The following C1orf94 variants were observed in gnomAD, a reference collection of about 807,000 sequenced individuals.
C1orf94 encodes uncharacterized protein C1orf94.
C1orf94 carries 45 observed loss-of-function variants against 53.6 expected under a neutral mutation model. The observed-to-expected ratio is 0.84, with a 90% confidence interval of 0.66 to 1.08. The LOEUF is 1.08. Among genes scored for constraint, C1orf94 ranks in the 50% least tolerant of loss-of-function variants. C1orf94 has a pLI of 0.00. For synonymous variants in C1orf94, 304 were observed against 296.1 expected (o/e 1.03, Z -0.27); for missense variants, 762 against 738.9 (o/e 1.03, Z -0.36).
chr1:34,177,564 T>C lies in C1orf94; in HGVS notation c.-226T>C. The C allele has an allele frequency of 2.0e-6, 1 of 510,388 alleles. No homozygotes were observed. Among genetic ancestry groups the C allele is most frequent in the Non-Finnish European group, 3.5e-6 (1 of 289,238 alleles). The allele number at this position is 510,388 out of a possible 1,614,324, so 31.6% of individuals were successfully genotyped here. A position where few individuals can be genotyped will look rare whatever the true frequency, so the allele number is the denominator to read the frequency against. ...TCCTAAGCTACTGGTTTTTGTTGAC[T>C]TTTAAATATTTTCTTCTAAGGGAGA... On this transcript the variant is annotated 5_prime_UTR_variant, in exon 1 of 7. Transcript: ENST00000488417.
At chr1:34,192,186 A>G (rs1165063112) in intron 1 of C1orf94, among the ~76,000 whole-genome samples, 1 of 152,214 alleles carries the variant, frequency 6.6e-6, no homozygotes, top group Non-Finnish European at 1.5e-5. Context: ...GGTAGATTAC[A>G]GGAAATGGGG....
chr1:34,213,584 AGGCT>A (rs1216136933), intron 6 of C1orf94, among the ~76,000 whole-genome samples: 4 of 152,040 alleles, frequency 2.6e-5, no homozygotes, highest in African/African-American at 4.8e-5. Flanking sequence ...CTTGTTGTCC[AGGCT>A]GGAGTGCAAT....
chr1:34,177,836 G>C lies in C1orf94; in HGVS notation c.47G>C (p.Gly16Ala). 1.3e-6 allele frequency: 2 copies of C among 1,550,078 alleles called. No homozygotes were observed. The highest frequency in any genetic ancestry group is 1.7e-6 in the Non-Finnish European group (2 of 1,145,846). Reference protein sequence around the residue: ...GCVLALGGQRGFQKERRRMAS... With the variant: ...GCVLALGGQRAFQKERRRMAS... ...GTTCTAGCCCTGGGTGGACAGAGGG[G>C]CTTCCAGAAAGAGAGGAGGAGGATG... Residue 16 changes from glycine (G) to alanine (A), a missense_variant, in exon 1 of 7, where the codon GGC becomes GCC. Gly to Ala is a moderately conservative substitution (Grantham distance 60, BLOSUM62 0). Coordinates refer to ENST00000488417, the MANE Select transcript of C1orf94 (RefSeq NM_001134734.2).
At chr1:34,172,852 G>A (rs1373018539), upstream of C1orf94, among the ~76,000 whole-genome samples, 1 of 152,230 alleles carries the variant, frequency 6.6e-6, no homozygotes, top group Admixed American at 6.5e-5. Flanking sequence ...TCCTTTAGCT[G>A]TGATGGTTAA....
At chr1:34,206,585 G>A (rs1571348367) in intron 4 of C1orf94, among the ~76,000 whole-genome samples, 1 of 152,328 alleles carries the variant, frequency 6.6e-6, no homozygotes, top group East Asian at 1.9e-4. Flanking sequence ...GCAGGCGCAC[G>A]ACTGCCTGTA....
At chr1:34,167,784 T>G (rs975733236) in intron 1 of C1orf94, among the ~76,000 whole-genome samples, 2 of 151,920 alleles carry the variant, frequency 1.3e-5, no homozygotes, top group Non-Finnish European at 2.9e-5. Context: ...CCGAGAGGCA[T>G]GTCAAGACAG....
chr1:34,205,112 G>A (rs1293959508), intron 4 of C1orf94, among the ~76,000 whole-genome samples: 2 of 152,198 alleles, frequency 1.3e-5, no homozygotes, highest in Admixed American at 1.3e-4. Flanking sequence ...TTTGGAGTGG[G>A]TGAGATTTGG....
chr1:34,201,103 C>T, intron 3 of C1orf94, 71 bp downstream of exon 3: 1 of 1,521,268 alleles, frequency 6.6e-7, no homozygotes, highest in Admixed American at 2.1e-5. Context: ...TTCAGGGTGG[C>T]TCTGTCACCA....
chr1:34,178,980 A>T (rs115812051), intron 1 of C1orf94, among the ~76,000 whole-genome samples: 5,247 of 152,354 alleles, frequency 0.034, 133 homozygotes, highest in Non-Finnish European at 0.055. Flanking sequence ...AATAATTAAG[A>T]GCTAATTAAA....
At chr1:34,172,699 C>G (rs1290220477), upstream of C1orf94, among the ~76,000 whole-genome samples, 1 of 152,212 alleles carries the variant, frequency 6.6e-6, no homozygotes, top group Non-Finnish European at 1.5e-5. Flanking sequence ...AGAGAAGCCA[C>G]AGAGTCACAG....
In C1orf94 at chr1:34,197,910, A is replaced by T. The variant is rs558422933; in HGVS notation, c.1006A>T (p.Met336Leu). The T allele has an allele frequency of 1.2e-6, 2 of 1,611,940 alleles. No homozygotes were observed. Among genetic ancestry groups the T allele is most frequent in the Admixed American group, 3.3e-5 (2 of 59,914 alleles). The change falls in exon 2 of 7, where the codon ATG (methionine) becomes TTG (leucine). Residue 336 changes from methionine to leucine, a missense_variant. Met to Leu is a conservative substitution (Grantham distance 15). Transcript: ENST00000488417. The surrounding 1 kb of genome is among the most constrained non-coding windows in gnomAD (Gnocchi z 4.1). ...ADPAVERHHL[M>L]EWSPGTKEPK... ...CCCTGCTGTGGAGAGGCACCACTTGATGGGTGAGTGGGGTTGGAACTGGGG... is the reference window on the plus strand; with the variant it reads ...CCCTGCTGTGGAGAGGCACCACTTGTTGGGTGAGTGGGGTTGGAACTGGGG...
intron 6 of C1orf94, among the ~76,000 whole-genome samples, chr1:34,215,615 G>A (rs534212159): frequency 2.6e-5 from 4 of 152,240 alleles, no homozygotes; most frequent in African/African-American, 7.2e-5. Context: ...TTGGTGGGAC[G>A]TGATGATGGT....
chr1:34,170,829 A>T (rs1351950676), intron 1 of C1orf94, among the ~76,000 whole-genome samples: 1 of 151,834 alleles, frequency 6.6e-6, no homozygotes, highest in Non-Finnish European at 1.5e-5. Context: ...TGAGCCAGAA[A>T]CCTATTTATC....
chr1:34,192,798 G>T (rs911529218), intron 1 of C1orf94, among the ~76,000 whole-genome samples: 1 of 152,162 alleles, frequency 6.6e-6, no homozygotes, highest in Non-Finnish European at 1.5e-5. Context: ...ACACTGGGGG[G>T]TTGCAGGGAG....
intron 1 of C1orf94, among the ~76,000 whole-genome samples, chr1:34,178,674 C>T (rs932303591): frequency 1.3e-5 from 2 of 152,198 alleles, no homozygotes; most frequent in African/African-American, 4.8e-5. Context: ...GTAAATAGCC[C>T]GTTTCCGGGA....
chr1:34,185,573 G>C (rs527834735), intron 1 of C1orf94, among the ~76,000 whole-genome samples: 6 of 152,190 alleles, frequency 3.9e-5, no homozygotes, highest in Non-Finnish European at 8.8e-5. Context: ...GTGAGCTAGT[G>C]CTGGCAGACA....
At chr1:34,195,753 T>G (rs1642568171) in intron 1 of C1orf94, among the ~76,000 whole-genome samples, 1 of 151,470 alleles carries the variant, frequency 6.6e-6, no homozygotes, top group Admixed American at 6.6e-5. Context: ...ACATGTGAAT[T>G]GTGTGCCTGC....
intron 2 of C1orf94, 86 bp from the exon 3 acceptor site, chr1:34,200,686 T>G: frequency 6.5e-7 from 1 of 1,550,384 alleles, no homozygotes; most frequent in Non-Finnish European, 8.8e-7. Flanking sequence ...CTGCAGAGGA[T>G]TCATCATTTA....
intron 1 of C1orf94, among the ~76,000 whole-genome samples, chr1:34,188,346 C>T (rs1571339405): frequency 2.6e-5 from 4 of 152,068 alleles, no homozygotes; most frequent in African/African-American, 7.2e-5. Flanking sequence ...AAGTGTATGC[C>T]AGGGACAATT....
Sources: gnomAD v4.1 joint callset for allele counts (sites outside exome capture counted in the v4.1 genomes callset) on GRCh38, gnomAD v4.1.1 for gene constraint, Gnocchi (gnomAD v3.1) non-coding constraint, MANE v1.5 for transcripts, NCBI Gene and HGNC (gene_info 2026-07-23, HGNC 2026-07-21) for gene names.